The following GABRB1 variants were observed in gnomAD, a reference collection of about 807,000 sequenced individuals.
GABRB1 encodes the protein gamma-aminobutyric acid type A receptor subunit beta1.
A neutral mutation model predicts 51.6 loss-of-function variants in GABRB1; 17 were observed. The ratio of observed to expected loss-of-function variants is 0.33; its 90% CI spans 0.23 to 0.49. The LOEUF (loss-of-function observed/expected upper bound fraction) is 0.49, where lower values mean the gene tolerates loss of function less well. Ranked by LOEUF, GABRB1 falls within the 20% of genes least tolerant of loss-of-function variation. GABRB1 has a pLI of 0.99. For missense variants in GABRB1, 410 were observed against 600.6 expected, an observed-to-expected ratio of 0.68 and a Z score of 3.32; for synonymous variants, 247 against 218.9, an observed-to-expected ratio of 1.13 and a Z score of -1.14.
chr4:47,073,630 G>A (rs28454743), intron 3 of GABRB1, among the ~76,000 whole-genome samples: 2,216 of 152,166 alleles, frequency 0.015, 46 homozygotes, highest in African/African-American at 0.051. Flanking sequence ...GAACCTCTTT[G>A]TTTCTAGAAG....
chr4:47,087,516 G>T (rs1313126736), intron 3 of GABRB1, among the ~76,000 whole-genome samples: 1 of 151,732 alleles, frequency 6.6e-6, no homozygotes, highest in African/African-American at 2.4e-5. Context: ...TAACTCTGAG[G>T]CGCTGCATCC....
intron 7 of GABRB1, among the ~76,000 whole-genome samples, chr4:47,404,158 A>G (rs1230663728): frequency 6.6e-6 from 1 of 152,124 alleles, no homozygotes; most frequent in East Asian, 1.9e-4. Flanking sequence ...TACTAACTAA[A>G]ATTAAATCGT....
At chr4:47,083,907 C>T (rs544082224) in intron 3 of GABRB1, among the ~76,000 whole-genome samples, 54 of 152,272 alleles carry the variant, frequency 3.5e-4, no homozygotes, top group African/African-American at 1.3e-3. Flanking sequence ...CTGCTTTAGG[C>T]TCCCAGCTGC....
At chr4:47,271,972 G>T (rs6447543) in intron 4 of GABRB1, among the ~76,000 whole-genome samples, 134,765 of 152,136 alleles carry the variant, frequency 0.89, 59,945 homozygotes, top group East Asian at 0.98. Context: ...AGCTTCAAAT[G>T]AGCACATTTT....
intron 4 of GABRB1, among the ~76,000 whole-genome samples, chr4:47,238,905 A>G (rs531942167): frequency 7.9e-5 from 12 of 152,312 alleles, no homozygotes; most frequent in African/African-American, 2.4e-4. Context: ...AAAGGATGAA[A>G]CATTAATGCT....
rs558999514 is a variant in GABRB1, at chr4:47,255,508, T to C, written c.462-64619T>C. On this transcript the variant is annotated intron_variant, in intron 4 of 8. Transcript: ENST00000295454. ...TTATCAATAAATCTACAAGCATTTA[T>C]TGTCCTCTTCCTAGAAGAAGAATAA... Among the ~76,000 whole-genome samples the C allele has an allele frequency of 6.6e-5, 10 of 152,360 alleles. 1 individual carries two copies. In the South Asian group the frequency reaches 2.1e-3, roughly 32 times the overall value.
At chr4:47,079,507 CAA>C (rs1438106630) in intron 3 of GABRB1, among the ~76,000 whole-genome samples, 1 of 151,832 alleles carries the variant, frequency 6.6e-6, no homozygotes, top group Non-Finnish European at 1.5e-5. Context: ...GGTATATACC[CAA>C]AGGATTATAA....
intron 3 of GABRB1, 64 bp from the exon 4 acceptor site, chr4:47,161,185 A>G (rs1577962911): frequency 3.6e-6 from 4 of 1,097,760 alleles, no homozygotes; most frequent in Non-Finnish European, 5.3e-6. Context: ...CCTACATGTT[A>G]TTAAACCTTA....
chr4:47,150,068 G>C (rs1717357337), intron 3 of GABRB1, among the ~76,000 whole-genome samples: 1 of 151,876 alleles, frequency 6.6e-6, no homozygotes, highest in African/African-American at 2.4e-5. Context: ...GCAGGCTATG[G>C]TCTTATTTTA....
chr4:47,043,281 G>T (rs1239825465), intron 3 of GABRB1: 1 of 152,016 alleles, frequency 6.6e-6, no homozygotes, highest in African/African-American at 2.4e-5. Context: ...TGGAGAGTAG[G>T]ATATATTCAC....
intron 4 of GABRB1, among the ~76,000 whole-genome samples, chr4:47,252,622 C>G (rs1410949039): frequency 6.7e-6 from 1 of 149,472 alleles, no homozygotes; most frequent in Non-Finnish European, 1.5e-5. Flanking sequence ...ATTCTTCTGC[C>G]TCAGCCTCCC....
intron 4 of GABRB1, among the ~76,000 whole-genome samples, chr4:47,314,351 T>A (rs888019708): frequency 6.6e-6 from 1 of 152,038 alleles, no homozygotes; most frequent in Admixed American, 6.6e-5. Context: ...CATTAACTAG[T>A]TATTTTGTAG....
At chr4:47,222,073 A>G (rs957480293) in intron 4 of GABRB1, among the ~76,000 whole-genome samples, 4 of 152,120 alleles carry the variant, frequency 2.6e-5, no homozygotes, top group Admixed American at 6.6e-5. Flanking sequence ...CACTAAATAT[A>G]CATTACTGCA....
At chr4:47,023,821 A>T (rs536139549) in intron 1 of GABRB1, among the ~76,000 whole-genome samples, 4 of 152,128 alleles carry the variant, frequency 2.6e-5, no homozygotes, top group Non-Finnish European at 5.9e-5. Context: ...TTAAAAACAG[A>T]AAAATGAAAA....
chr4:47,355,059 C>T (rs1202003668), intron 5 of GABRB1, among the ~76,000 whole-genome samples: 1 of 134,662 alleles, frequency 7.4e-6, no homozygotes, highest in Non-Finnish European at 1.5e-5. Context: ...GATCTTGGCT[C>T]ACTGCAACCT....
At chr4:47,280,739 T>C (rs1293765903) in intron 4 of GABRB1, among the ~76,000 whole-genome samples, 1 of 151,750 alleles carries the variant, frequency 6.6e-6, no homozygotes, top group Non-Finnish European at 1.5e-5. Flanking sequence ...CCTCTAACAT[T>C]TGGGCTTAAG....
chr4:47,074,848 C>T (rs1946673046), intron 3 of GABRB1, among the ~76,000 whole-genome samples: 1 of 152,208 alleles, frequency 6.6e-6, no homozygotes, highest in African/African-American at 2.4e-5. Flanking sequence ...TTTCTCTGCA[C>T]AGTACCAAAA....
At chr4:47,364,877 A>G (rs978067908) in intron 5 of GABRB1, among the ~76,000 whole-genome samples, 1 of 152,170 alleles carries the variant, frequency 6.6e-6, no homozygotes, top group Non-Finnish European at 1.5e-5. Flanking sequence ...TGAGATAGAA[A>G]GTACAGACAA....
At chr4:47,342,121 T>G (rs1050784589) in intron 5 of GABRB1, among the ~76,000 whole-genome samples, 3 of 152,210 alleles carry the variant, frequency 2.0e-5, no homozygotes, top group African/African-American at 7.2e-5. Flanking sequence ...TGTCAGTATG[T>G]GAGGGGTGCA....
Sources: gnomAD v4.1 joint callset for allele counts (sites outside exome capture counted in the v4.1 genomes callset) on GRCh38, gnomAD v4.1.1 for gene constraint, MANE v1.5 for transcripts, NCBI Gene and HGNC (gene_info 2026-07-23, HGNC 2026-07-21) for gene names.